The following B3GALT1 variants were observed in gnomAD, a reference collection of about 807,000 sequenced individuals.
B3GALT1 encodes UDP-Gal:betaGlcNAc beta 1,3-galactosyltransferase, polypeptide 1.
A neutral mutation model predicts 23.2 loss-of-function variants in B3GALT1; 10 were observed. The ratio of observed to expected loss-of-function variants is 0.43; its 90% CI spans 0.27 to 0.73. B3GALT1 has a LOEUF of 0.73. B3GALT1 is among the 30% of genes least tolerant of loss of function. The probability of loss-of-function intolerance (pLI) is 0.21; values close to 1 mark genes in which losing one functional copy is unlikely to be tolerated. For missense variants in B3GALT1, 299 were observed against 405.4 expected, an observed-to-expected ratio of 0.74 and a Z score of 2.25; for synonymous variants, 156 against 141.5, an observed-to-expected ratio of 1.10 and a Z score of -0.73.
chr2:167,369,061 T>TTGTGTG (rs60938716), intron 1 of B3GALT1, among the ~76,000 whole-genome samples: 3,359 of 147,396 alleles, frequency 0.023, 49 homozygotes, highest in African/African-American at 0.029. Context: ...AAACTCTTAT[T>TTGTGTG]TGTGTGTGTG....
At chr2:167,593,659 A>G (rs1355109153) in intron 2 of B3GALT1, among the ~76,000 whole-genome samples, 1 of 152,232 alleles carries the variant, frequency 6.6e-6, no homozygotes, top group Non-Finnish European at 1.5e-5. Context: ...GTAGAAAAGA[A>G]GAACTGAACA....
At chr2:167,378,941 G>A (rs1238947784) in intron 1 of B3GALT1, among the ~76,000 whole-genome samples, 2 of 152,132 alleles carry the variant, frequency 1.3e-5, no homozygotes, top group African/African-American at 4.8e-5. Flanking sequence ...ATCTGGAGAT[G>A]CTGGCACTTC....
intron 4 of B3GALT1, among the ~76,000 whole-genome samples, chr2:167,850,468 C>T (rs933137795): frequency 6.6e-6 from 1 of 152,238 alleles, no homozygotes; most frequent in South Asian, 2.1e-4. Flanking sequence ...AATATGGCCA[C>T]GATGGAAAAC....
intron 3 of B3GALT1, among the ~76,000 whole-genome samples, chr2:167,778,878 C>A (rs908006125): frequency 1.3e-5 from 2 of 152,192 alleles, no homozygotes; most frequent in Non-Finnish European, 2.9e-5. Context: ...GGGGACCACA[C>A]AGAGCAACTG....
At chr2:167,659,417 C>T (rs765208424) in intron 3 of B3GALT1, among the ~76,000 whole-genome samples, 2 of 151,996 alleles carry the variant, frequency 1.3e-5, no homozygotes, top group Non-Finnish European at 2.9e-5. Context: ...AACTTCAATA[C>T]TGAAATCTTA....
At chr2:167,716,094 A>C in intron 3 of B3GALT1, 1 of 1,538,276 alleles carries the variant, frequency 6.5e-7, no homozygotes, top group Non-Finnish European at 8.9e-7. Flanking sequence ...CGGTCACCGC[A>C]GTTAACACTG....
intron 3 of B3GALT1, among the ~76,000 whole-genome samples, chr2:167,695,967 A>T (rs1331241534): frequency 6.6e-6 from 1 of 152,144 alleles, no homozygotes; most frequent in African/African-American, 2.4e-5. Flanking sequence ...AAGAAGTTAT[A>T]CACATCCCTT....
At chr2:167,570,575 T>C (rs969986598) in intron 2 of B3GALT1, among the ~76,000 whole-genome samples, 40 of 152,104 alleles carry the variant, frequency 2.6e-4, no homozygotes, top group African/African-American at 9.4e-4. Context: ...GTGGATGATA[T>C]ATTAGCTATT....
intron 4 of B3GALT1, among the ~76,000 whole-genome samples, chr2:167,827,620 C>T (rs1488195123): frequency 1.3e-5 from 2 of 152,156 alleles, no homozygotes; most frequent in Non-Finnish European, 2.9e-5. Context: ...CTGCTCAGTG[C>T]GTGGCTGCTG....
At chr2:167,544,666 T>TACATGAAG (rs1302550923) in intron 2 of B3GALT1, among the ~76,000 whole-genome samples, 1 of 152,104 alleles carries the variant, frequency 6.6e-6, no homozygotes. Flanking sequence ...AAGGAGACTT[T>TACATGAAG]ACATGAAGAG....
At chr2:167,626,039 A>G (rs1181538125) in intron 2 of B3GALT1, among the ~76,000 whole-genome samples, 1 of 147,894 alleles carries the variant, frequency 6.8e-6, no homozygotes, top group African/African-American at 2.5e-5. Context: ...TTCACTTTGA[A>G]GGGAACAATT....
chr2:167,746,963 C>T (rs560989795), intron 3 of B3GALT1, among the ~76,000 whole-genome samples: 2 of 152,202 alleles, frequency 1.3e-5, no homozygotes, highest in East Asian at 3.9e-4. Context: ...AGAGATAATT[C>T]TTTTGTGCCC....
At chr2:167,423,468 A>G (rs1471199369) in intron 1 of B3GALT1, among the ~76,000 whole-genome samples, 1 of 152,206 alleles carries the variant, frequency 6.6e-6, no homozygotes, top group Non-Finnish European at 1.5e-5. Flanking sequence ...CGATCTATGC[A>G]ATAAACCAGT....
intron 2 of B3GALT1, among the ~76,000 whole-genome samples, chr2:167,554,185 A>G (rs912491930): frequency 2.4e-4 from 36 of 152,242 alleles, no homozygotes; most frequent in African/African-American, 8.7e-4. Flanking sequence ...AAATGGGAAT[A>G]AGAGCTGTAC....
intron 1 of B3GALT1, among the ~76,000 whole-genome samples, chr2:167,420,523 T>C (rs566283981): frequency 1.1e-4 from 16 of 152,308 alleles, no homozygotes; most frequent in Admixed American, 5.2e-4. Flanking sequence ...GACAGATCCA[T>C]AAATCAGAAA....
intron 2 of B3GALT1, among the ~76,000 whole-genome samples, chr2:167,589,247 A>G (rs1490492173): frequency 6.6e-6 from 1 of 152,308 alleles, no homozygotes; most frequent in East Asian, 1.9e-4. Flanking sequence ...CACCCAGCCT[A>G]TAACCATTTT....
At chr2:167,807,759 T>A (rs147341238) in intron 3 of B3GALT1, among the ~76,000 whole-genome samples, 8,265 of 152,306 alleles carry the variant, frequency 0.054, 283 homozygotes, top group Non-Finnish European at 0.075. Flanking sequence ...TTGGAATAAG[T>A]GCAATGTGGT....
At chr2:167,514,969 TTATC>T (rs1487624885) in intron 2 of B3GALT1, among the ~76,000 whole-genome samples, 1 of 152,142 alleles carries the variant, frequency 6.6e-6, no homozygotes, top group African/African-American at 2.4e-5. Flanking sequence ...GTTATGATCA[TTATC>T]TTATTATCAT....
chr2:167,483,040 T>C (rs1406328401), intron 1 of B3GALT1, among the ~76,000 whole-genome samples: 1 of 152,104 alleles, frequency 6.6e-6, no homozygotes, highest in African/African-American at 2.4e-5. Flanking sequence ...ACTCCTGTAA[T>C]CCCAGCACTT....
Sources: gnomAD v4.1 joint callset for allele counts (sites outside exome capture counted in the v4.1 genomes callset) on GRCh38, gnomAD v4.1.1 for gene constraint, MANE v1.5 for transcripts, NCBI Gene and HGNC (gene_info 2026-07-23, HGNC 2026-07-21) for gene names.